The following VNN1 variants were observed in gnomAD, a reference collection of about 807,000 sequenced individuals.
VNN1 encodes vanin 1.
A neutral mutation model predicts 41.9 loss-of-function variants in VNN1; 29 were observed. The ratio of observed to expected loss-of-function variants is 0.69; its 90% CI spans 0.52 to 0.94. The LOEUF (loss-of-function observed/expected upper bound fraction) is 0.94. Among genes scored for constraint, VNN1 ranks in the 40% least tolerant of loss-of-function variants. The probability of loss-of-function intolerance (pLI) is 0.00; values close to 1 mark genes in which losing one functional copy is unlikely to be tolerated. For missense variants in VNN1, 637 were observed against 621.1 expected (o/e 1.03, Z -0.27); for synonymous variants, 233 against 224.4 (o/e 1.04, Z -0.34).
At chr6:132,691,546 G>A (rs1000249320) in intron 5 of VNN1, among the ~76,000 whole-genome samples, 2 of 152,032 alleles carry the variant, frequency 1.3e-5, no homozygotes, top group African/African-American at 2.4e-5. Context: ...AAGGAAAATG[G>A]CTTAATTTGT....
chr6:132,709,944 A>T (rs1778575279), intron 2 of VNN1, among the ~76,000 whole-genome samples: 1 of 152,200 alleles, frequency 6.6e-6, no homozygotes. Context: ...ATTATGGTAC[A>T]ATTAAATAAG....
At chr6:132,708,701 A>G (rs920811567) in intron 2 of VNN1, among the ~76,000 whole-genome samples, 1 of 152,128 alleles carries the variant, frequency 6.6e-6, no homozygotes, top group Admixed American at 6.6e-5. Flanking sequence ...TCCACTTCTC[A>G]ATACCTAAAC....
At chr6:132,711,622 G>A in intron 2 of VNN1, 87 bp downstream of exon 2, 1 of 1,412,290 alleles carries the variant, frequency 7.1e-7, no homozygotes, top group South Asian at 1.4e-5. Context: ...AATTGATCAT[G>A]GATCTATGCA....
intron 2 of VNN1, among the ~76,000 whole-genome samples, chr6:132,694,626 G>A (rs1453618833): frequency 2.6e-5 from 4 of 151,870 alleles, no homozygotes; most frequent in Admixed American, 6.6e-5. Flanking sequence ...AGTCCAAGGA[G>A]GAAGGATTGC....
chr6:132,695,542 C>T (rs896299867), intron 2 of VNN1, among the ~76,000 whole-genome samples: 5 of 152,136 alleles, frequency 3.3e-5, no homozygotes, highest in Non-Finnish European at 7.3e-5. Flanking sequence ...CATGGAGGTA[C>T]AAATGCAAAG....
chr6:132,689,477 C>CA (rs1176204325), intron 5 of VNN1, among the ~76,000 whole-genome samples: 2 of 152,246 alleles, frequency 1.3e-5, no homozygotes, highest in African/African-American at 4.8e-5. Context: ...AAATTATACT[C>CA]AAAAATGCTA....
intron 5 of VNN1, among the ~76,000 whole-genome samples, chr6:132,687,137 G>C (rs571683320): frequency 6.6e-6 from 1 of 152,292 alleles, no homozygotes; most frequent in South Asian, 2.1e-4. Context: ...GCATTCTGGG[G>C]AAGGTGTGGA....
At chr6:132,702,736 C>G (rs906765910) in intron 2 of VNN1, among the ~76,000 whole-genome samples, 31 of 152,202 alleles carry the variant, frequency 2.0e-4, no homozygotes, top group Admixed American at 1.3e-3. Flanking sequence ...CAGGCCCTAG[C>G]TCCCTGATGA....
At chr6:132,690,452 T>A (rs948670099) in intron 5 of VNN1, among the ~76,000 whole-genome samples, 1 of 152,200 alleles carries the variant, frequency 6.6e-6, no homozygotes, top group Non-Finnish European at 1.5e-5. Context: ...AATCCCCTCC[T>A]ACTCTTTTTC....
chr6:132,684,391 A>G lies in VNN1; in HGVS notation c.1303T>C (p.Tyr435His). 1 of 1,614,080 alleles carries G rather than the reference A, an allele frequency of 6.2e-7. No individual in the cohort carries two copies. The highest frequency in any genetic ancestry group is 8.5e-7 in the Non-Finnish European group (1 of 1,179,966). Reference protein sequence around the residue: ...FSLSGTFGTQYVFPEVLLSEN... With the variant: ...FSLSGTFGTQHVFPEVLLSEN... ...CTCAGCAACACCTCAGGAAAGACAT[A>G]CTGGGTTCCGAAAGTGCCACTGAGG... Residue 435 changes from tyrosine to histidine, a missense_variant, in exon 6 of 7, where the codon TAT (tyrosine) becomes CAT (histidine). By Grantham distance (83) the Tyr-to-His change is moderately conservative (BLOSUM62 2). Coordinates refer to ENST00000367928, the MANE Select transcript of VNN1 (RefSeq NM_004666.3).
chr6:132,705,623 C>T (rs1243496291), intron 2 of VNN1, among the ~76,000 whole-genome samples: 2 of 152,090 alleles, frequency 1.3e-5, no homozygotes. Context: ...ACAAGAATGT[C>T]CATTTTCACC....
At chr6:132,690,651 C>T (rs1034307661) in intron 5 of VNN1, among the ~76,000 whole-genome samples, 12 of 152,312 alleles carry the variant, frequency 7.9e-5, no homozygotes, top group African/African-American at 2.9e-4. Flanking sequence ...AGGATCTATG[C>T]TTATTTATCT....
intron 2 of VNN1, among the ~76,000 whole-genome samples, chr6:132,705,378 C>G (rs911691312): frequency 3.3e-5 from 5 of 152,162 alleles, no homozygotes; most frequent in Non-Finnish European, 2.9e-5. Context: ...ATGCACAAAT[C>G]AATTGATGTG....
At chr6:132,703,247 A>G (rs75475636) in intron 2 of VNN1, among the ~76,000 whole-genome samples, 6,898 of 152,302 alleles carry the variant, frequency 0.045, 352 homozygotes, top group South Asian at 0.14. Flanking sequence ...AAGTACACAG[A>G]CAAACATGGA....
At chr6:132,703,313 A>G (rs1194056844) in intron 2 of VNN1, among the ~76,000 whole-genome samples, 4 of 152,326 alleles carry the variant, frequency 2.6e-5, no homozygotes, top group East Asian at 3.9e-4. Context: ...TAGAAAAACT[A>G]AAAGATGAAC....
chr6:132,695,726 G>A (rs1393482561), intron 2 of VNN1, among the ~76,000 whole-genome samples: 3 of 152,088 alleles, frequency 2.0e-5, no homozygotes, highest in Non-Finnish European at 2.9e-5. Context: ...AATATACAGG[G>A]AAATTTAGAA....
At chr6:132,684,048 C>A (rs1412887317) in intron 6 of VNN1, among the ~76,000 whole-genome samples, 27 of 152,090 alleles carry the variant, frequency 1.8e-4, no homozygotes, top group Admixed American at 1.8e-3. Flanking sequence ...GGCACTGGTT[C>A]TGAAACTACT....
At position 132,694,125 on chromosome 6, in the gene VNN1, G is replaced by C. The variant is rs200049479; in HGVS notation, c.399C>G (p.Ile133Met). 1,098 of 1,614,024 alleles carry C rather than the reference G, an allele frequency of 6.8e-4. 6 individuals are homozygous for C. The highest frequency in any genetic ancestry group is 2.0e-3 in the East Asian group (90 of 44,876). ...RLSCLAKNNS[I>M]YVVANIGDKK... Reference sequence around the variant, plus strand: ...TGTCCCCAATATTTGCCACAACATAGATAGAGTTGTTCTTGGCCAGGCAGC... The same window carrying C: ...TGTCCCCAATATTTGCCACAACATACATAGAGTTGTTCTTGGCCAGGCAGC... The change falls in exon 3 of 7, where the codon ATC becomes ATG. Residue 133 changes from isoleucine to methionine, a missense_variant. Coordinates refer to ENST00000367928, the MANE Select transcript of VNN1 (RefSeq NM_004666.3).
intron 5 of VNN1, 112 bp from the exon 6 acceptor site, chr6:132,684,617 A>T: frequency 1.1e-6 from 1 of 877,048 alleles, no homozygotes; most frequent in Non-Finnish European, 1.6e-6. Flanking sequence ...CACATCATAC[A>T]CTGTAAAGAT....
Sources: allele counts gnomAD v4.1 joint callset (sites outside exome capture counted in the v4.1 genomes callset), GRCh38; gene constraint gnomAD v4.1.1; transcripts MANE v1.5; gene names NCBI Gene and HGNC (gene_info 2026-07-23, HGNC 2026-07-21).